ATRX: variants seen among roughly 807,000 people sequenced by gnomAD.
ATRX encodes the protein chromatin remodeler ATRX.
Under a neutral mutation model 172.6 loss-of-function variants are expected in ATRX, and 12 were observed. That is an observed-to-expected ratio of 0.07 (90% CI 0.04 to 0.11). ATRX has a LOEUF of 0.11. Among genes scored for constraint, ATRX ranks in the 10% least tolerant of loss-of-function variants. The probability of loss-of-function intolerance (pLI) is 1.00; values close to 1 mark genes in which losing one functional copy is unlikely to be tolerated. For synonymous variants in ATRX, 674 were observed against 594.7 expected (o/e 1.13, Z -1.94); for missense variants, 1,368 against 1,767.4 (o/e 0.77, Z 4.05).
At chrX:77,697,748 T>C (rs2072264952) in intron 3 of ATRX, 113 bp from the exon 4 acceptor site, 7 of 592,665 alleles carry the variant, frequency 1.2e-5, no homozygotes, top group South Asian at 3.7e-5. Flanking sequence ...ATGCTATTTA[T>C]GTGCCTAGAA....
intron 1 of ATRX, among the ~76,000 whole-genome samples, chrX:77,768,757 T>A (rs1159818743): frequency 1.8e-5 from 2 of 111,771 alleles, no homozygotes; most frequent in Non-Finnish European, 3.8e-5. Flanking sequence ...TCCATACCAT[T>A]ATAATAATAA....
chrX:77,717,832 T>A (rs2073524584), intron 1 of ATRX, among the ~76,000 whole-genome samples: 1 of 111,253 alleles, frequency 9.0e-6, no homozygotes, highest in Admixed American at 9.7e-5. Context: ...TACCCTTAAG[T>A]TAATTCTTAA....
intron 26 of ATRX, 58 bp downstream of exon 26, chrX:77,593,638 A>G: frequency 1.9e-6 from 2 of 1,072,510 alleles, no homozygotes; most frequent in African/African-American, 1.8e-5. Context: ...ACATTGTTTA[A>G]GCAATAAAAA....
At chrX:77,676,129 G>A in intron 10 of ATRX, 97 bp downstream of exon 10, 2 of 843,997 alleles carry the variant, frequency 2.4e-6, no homozygotes, top group Non-Finnish European at 3.5e-6. Flanking sequence ...AGGCACTCCT[G>A]GTTTTTACAA....
intron 19 of ATRX, among the ~76,000 whole-genome samples, chrX:77,632,012 T>G (rs1374758978): frequency 6.3e-5 from 7 of 111,061 alleles, no homozygotes; most frequent in Non-Finnish European, 9.4e-5. Context: ...TTGTTTTTTA[T>G]TTTTGAGATG....
chrX:77,575,279 T>C (rs1301236286), intron 27 of ATRX, among the ~76,000 whole-genome samples: 1 of 110,414 alleles, frequency 9.1e-6, no homozygotes, highest in Non-Finnish European at 1.9e-5. Context: ...TTCTTACCTA[T>C]ATCTTCACTG....
chrX:77,651,247 A>AAG (rs2069222990), intron 15 of ATRX, among the ~76,000 whole-genome samples: 1 of 102,719 alleles, frequency 9.7e-6, no homozygotes, highest in Non-Finnish European at 2.0e-5. Flanking sequence ...AAAAAAAAAA[A>AAG]GATGAAACAA....
intron 12 of ATRX, among the ~76,000 whole-genome samples, chrX:77,658,313 G>C (rs1189705182): frequency 8.9e-6 from 1 of 112,188 alleles, no homozygotes; most frequent in Non-Finnish European, 1.9e-5. Context: ...ATCTCAATTC[G>C]ATCATGAGAA....
chrX:77,543,612 G>A (rs1180233270), intron 30 of ATRX, among the ~76,000 whole-genome samples: 2 of 111,937 alleles, frequency 1.8e-5, no homozygotes, highest in Non-Finnish European at 3.8e-5. Flanking sequence ...TATACACCAT[G>A]GAATACTATG....
At chrX:77,554,630 T>A (rs782067423) in intron 30 of ATRX, among the ~76,000 whole-genome samples, 1 of 111,823 alleles carries the variant, frequency 8.9e-6, no homozygotes, top group Non-Finnish European at 1.9e-5. Flanking sequence ...AACTGTTCAA[T>A]CTCTCATTCA....
At chrX:77,778,867 C>T (rs1468504012) in intron 1 of ATRX, among the ~76,000 whole-genome samples, 1 of 111,422 alleles carries the variant, frequency 9.0e-6, no homozygotes, top group Non-Finnish European at 1.9e-5. Flanking sequence ...CTGGAATTCT[C>T]CCACAGTCTC....
At chrX:77,607,394 T>C (rs1180944215) in intron 22 of ATRX, among the ~76,000 whole-genome samples, 1 of 111,702 alleles carries the variant, frequency 9.0e-6, no homozygotes, top group East Asian at 2.8e-4. Context: ...TTACAATAGC[T>C]ACAAATAAAA....
At chrX:77,610,572 C>T (rs2067111318) in intron 22 of ATRX, among the ~76,000 whole-genome samples, 1 of 111,185 alleles carries the variant, frequency 9.0e-6, no homozygotes. Flanking sequence ...ATTATAAACA[C>T]AATTCTACTA....
At chrX:77,579,073 G>C (rs782596710) in intron 27 of ATRX, among the ~76,000 whole-genome samples, 1 of 112,784 alleles carries the variant, frequency 8.9e-6, no homozygotes, top group Non-Finnish European at 1.9e-5. Flanking sequence ...AAAAGAAAGA[G>C]AAGAGTAGGA....
chrX:77,626,914 G>T (rs2067880936), intron 19 of ATRX, among the ~76,000 whole-genome samples: 1 of 112,044 alleles, frequency 8.9e-6, no homozygotes, highest in Non-Finnish European at 1.9e-5. Flanking sequence ...ACGGATATCT[G>T]AAGAACTAGA....
chrX:77,754,140 A>G (rs1336096143), intron 1 of ATRX, among the ~76,000 whole-genome samples: 3 of 110,968 alleles, frequency 2.7e-5, no homozygotes, highest in Non-Finnish European at 3.8e-5. Flanking sequence ...CTGTTTTATC[A>G]GAGACTAGGA....
In ATRX at chrX:77,681,834, C is replaced by G. The variant is rs782785569; in HGVS notation, c.3422G>C (p.Ser1141Thr). The change falls in exon 9 of 35, where the codon AGT (serine) becomes ACT (threonine). Residue 1141 changes from serine to threonine, a missense_variant. Ser to Thr is a moderately conservative substitution (Grantham distance 58). Coordinates refer to ENST00000373344, the MANE Select transcript of ATRX (RefSeq NM_000489.6). ...RIELRERRNL[S>T]SKRNTKEIQS... is the part of the protein sequence containing the mutation. ...TATTTCCTTAGTATTTCTCTTTGAA[C>G]TTAAATTTCTTCTTTCCCTCAATTC... 2.5e-6 allele frequency: 3 copies of G among 1,200,287 alleles called. No individual in the cohort carries two copies. Among genetic ancestry groups the G allele is most frequent in the Non-Finnish European group, 3.4e-6 (3 of 891,124 alleles).
intron 28 of ATRX, 149 bp from the exon 29 acceptor site, chrX:77,558,995 A>ATTT: frequency 2.2e-6 from 1 of 462,029 alleles, no homozygotes; most frequent in Non-Finnish European, 3.6e-6. Flanking sequence ...ATAATATATT[A>ATTT]TCTAAGGAGT....
intron 15 of ATRX, among the ~76,000 whole-genome samples, chrX:77,644,523 G>T (rs2068811640): frequency 9.0e-6 from 1 of 111,346 alleles, no homozygotes. Context: ...CATGGCACAT[G>T]TATACCTATG....
Sources: allele counts gnomAD v4.1 joint callset (sites outside exome capture counted in the v4.1 genomes callset), GRCh38; gene constraint gnomAD v4.1.1; transcripts MANE v1.5; gene names NCBI Gene and HGNC (gene_info 2026-07-23, HGNC 2026-07-21).